Variants in METTL15 observed in about 807,000 individuals in gnomAD.
METTL15 encodes the protein 12S rRNA N(4)-cytidine methyltransferase METTL15.
In METTL15, 34 loss-of-function variants were observed where a neutral mutation model predicts 38.3. The observed-to-expected ratio is 0.89, with a 90% CI of 0.68 to 1.18. The LOEUF is 1.18. Ranked by LOEUF, METTL15 falls within the 50% of genes most tolerant of loss-of-function variation. The pLI is 0.00. For missense variants in METTL15, 438 were observed against 498.4 expected (o/e 0.88, Z 1.15); for synonymous variants, 162 against 170.9 (o/e 0.95, Z 0.41).
chr11:28,249,929 G>T, intron 4 of METTL15, among the ~76,000 whole-genome samples: 1 of 151,924 alleles, frequency 6.6e-6, no homozygotes, highest in East Asian at 1.9e-4. Context: ...CTATGTCCAT[G>T]TGTATTCAGT....
chr11:28,486,813 C>A (rs889102489), intron 6 of METTL15, among the ~76,000 whole-genome samples: 1 of 152,126 alleles, frequency 6.6e-6, no homozygotes, highest in African/African-American at 2.4e-5. Context: ...TGGAAGAATG[C>A]ATGTGGACAC....
chr11:28,220,797 A>G (rs1260845084), intron 4 of METTL15, among the ~76,000 whole-genome samples: 1 of 152,104 alleles, frequency 6.6e-6, no homozygotes, highest in African/African-American at 2.4e-5. Flanking sequence ...TCTGTAAAGT[A>G]TCTTATTTCT....
chr11:28,415,077 A>G (rs1850761482), intron 5 of METTL15, among the ~76,000 whole-genome samples: 1 of 152,314 alleles, frequency 6.6e-6, no homozygotes, highest in Non-Finnish European at 1.5e-5. Context: ...GAAAATTAAT[A>G]TGTTTTGAAG....
At chr11:28,179,840 T>C (rs980425269) in intron 3 of METTL15, among the ~76,000 whole-genome samples, 2 of 151,794 alleles carry the variant, frequency 1.3e-5, no homozygotes, top group Admixed American at 6.6e-5. Flanking sequence ...TGTTATGAAG[T>C]GGTTGAATCT....
At chr11:28,367,134 T>C (rs951333939) in intron 5 of METTL15, among the ~76,000 whole-genome samples, 5 of 151,812 alleles carry the variant, frequency 3.3e-5, no homozygotes, top group Non-Finnish European at 7.4e-5. Flanking sequence ...GAGCGACTGG[T>C]TTCTGTCTCA....
At chr11:28,208,076 A>AT (rs1463389994) in intron 3 of METTL15, among the ~76,000 whole-genome samples, 2 of 152,004 alleles carry the variant, frequency 1.3e-5, no homozygotes, top group South Asian at 2.1e-4. Flanking sequence ...GGATTCATTA[A>AT]TTTTTTGAAG....
intron 5 of METTL15, among the ~76,000 whole-genome samples, chr11:28,392,792 A>G (rs956922432): frequency 1.3e-5 from 2 of 152,060 alleles, no homozygotes; most frequent in Non-Finnish European, 2.9e-5. Flanking sequence ...ATAAAGATCT[A>G]CAACTGAACA....
At chr11:28,380,109 A>G (rs1199948856) in intron 5 of METTL15, among the ~76,000 whole-genome samples, 2 of 150,232 alleles carry the variant, frequency 1.3e-5, no homozygotes, top group Non-Finnish European at 3.0e-5. Context: ...AAGTGAAATG[A>G]GTTTCTTCTA....
chr11:28,440,677 G>A (rs1196306470), intron 6 of METTL15, among the ~76,000 whole-genome samples: 3 of 152,092 alleles, frequency 2.0e-5, no homozygotes, highest in Admixed American at 2.0e-4. Flanking sequence ...TCATTGCCTG[G>A]TACACAACAA....
At chr11:28,188,276 C>G (rs912020683) in intron 3 of METTL15, among the ~76,000 whole-genome samples, 2 of 151,226 alleles carry the variant, frequency 1.3e-5, no homozygotes, top group African/African-American at 4.8e-5. Flanking sequence ...ACATATCAAA[C>G]AGATATTTTA....
intron 4 of METTL15, among the ~76,000 whole-genome samples, chr11:28,261,007 A>G (rs932389896): frequency 1.3e-5 from 2 of 152,176 alleles, no homozygotes; most frequent in African/African-American, 2.4e-5. Context: ...CCTGCTGTAG[A>G]TATGGGAACC....
intron 3 of METTL15, among the ~76,000 whole-genome samples, chr11:28,159,057 G>A (rs763438411): frequency 7.9e-5 from 12 of 152,056 alleles, no homozygotes; most frequent in Non-Finnish European, 1.2e-4. Flanking sequence ...TCCTGTTCCC[G>A]CGACATTACT....
chr11:28,519,940 G>A (rs1851751542), intron 6 of METTL15, among the ~76,000 whole-genome samples: 1 of 152,092 alleles, frequency 6.6e-6, no homozygotes, highest in Admixed American at 6.5e-5. Context: ...TTTCCAACAC[G>A]GCTGATTCTC....
chr11:28,260,675 TA>T (rs1855166305), intron 4 of METTL15, among the ~76,000 whole-genome samples: 1 of 152,180 alleles, frequency 6.6e-6, no homozygotes, highest in Non-Finnish European at 1.5e-5. Context: ...AAAAGTATTA[TA>T]GACACAGAAA....
At chr11:28,306,852 C>A (rs952900624) in intron 6 of METTL15, among the ~76,000 whole-genome samples, 10 of 151,870 alleles carry the variant, frequency 6.6e-5, no homozygotes, top group African/African-American at 2.4e-4. Flanking sequence ...AGCTTTGTTA[C>A]TAAAAATGAA....
intron 4 of METTL15, among the ~76,000 whole-genome samples, chr11:28,256,089 G>C (rs1854960829): frequency 6.6e-6 from 1 of 152,138 alleles, no homozygotes; most frequent in Admixed American, 6.5e-5. Flanking sequence ...ATGTATTGTT[G>C]AATTCAGTTT....
intron 4 of METTL15, among the ~76,000 whole-genome samples, chr11:28,288,303 C>T (rs1856369062): frequency 6.6e-6 from 1 of 152,156 alleles, no homozygotes; most frequent in Non-Finnish European, 1.5e-5. Context: ...CCCAGCAATG[C>T]CACCACTGGG....
At chr11:28,308,933 T>TAGATAGATAGGC (rs973297215) in intron 6 of METTL15, among the ~76,000 whole-genome samples, 4 of 151,624 alleles carry the variant, frequency 2.6e-5, no homozygotes, top group South Asian at 2.1e-4. Flanking sequence ...GATAGATAGA[T>TAGATAGATAGGC]AGGCAGGCAG....
At chr11:28,484,212 T>C (rs1277804739) in intron 6 of METTL15, among the ~76,000 whole-genome samples, 5 of 152,210 alleles carry the variant, frequency 3.3e-5, no homozygotes, top group African/African-American at 1.2e-4. Flanking sequence ...CAAACAGTCC[T>C]GTTAAGGTCT....
Sources: allele counts gnomAD v4.1 joint callset (sites outside exome capture counted in the v4.1 genomes callset), GRCh38; gene constraint gnomAD v4.1.1; transcripts MANE v1.5; gene names NCBI Gene and HGNC (gene_info 2026-07-23, HGNC 2026-07-21).